OLAH: variants seen among roughly 807,000 people sequenced by gnomAD.
OLAH encodes oleoyl-ACP hydrolase.
In OLAH, 33 loss-of-function variants were observed where a neutral mutation model predicts 27.8. The ratio of observed to expected loss-of-function variants is 1.19; its 90% CI spans 0.90 to 1.59. The LOEUF (loss-of-function observed/expected upper bound fraction) is 1.59. Among genes scored for constraint, OLAH ranks in the 40% most tolerant of loss-of-function variants. The probability of loss-of-function intolerance (pLI) is 0.00; values close to 1 mark genes in which losing one functional copy is unlikely to be tolerated. For synonymous variants in OLAH, 120 were observed against 102.9 expected (o/e 1.17, Z -1.01); for missense variants, 359 against 310.8 (o/e 1.16, Z -1.17).
intron 3 of OLAH, among the ~76,000 whole-genome samples, chr10:15,056,429 G>C (rs1280031986): frequency 6.6e-6 from 1 of 151,988 alleles, no homozygotes; most frequent in Non-Finnish European, 1.5e-5. Flanking sequence ...AGCAGTATAG[G>C]AAAATTCTTA....
chr10:15,041,342 G>A (rs184930788), upstream of OLAH, among the ~76,000 whole-genome samples: 17 of 151,302 alleles, frequency 1.1e-4, no homozygotes, highest in Admixed American at 8.6e-4. Context: ...GCAATGGTGC[G>A]ATCTTGGCTC....
At chr10:15,052,499 C>G (rs1354792688) in intron 3 of OLAH, among the ~76,000 whole-genome samples, 1 of 152,120 alleles carries the variant, frequency 6.6e-6, no homozygotes, top group African/African-American at 2.4e-5. Context: ...TCTCAAACTC[C>G]TAGCCTGAAG....
chr10:15,051,201 A>C (rs1419670719), intron 3 of OLAH, among the ~76,000 whole-genome samples: 1 of 151,466 alleles, frequency 6.6e-6, no homozygotes, highest in Non-Finnish European at 1.5e-5. Context: ...TCAGCCTCCC[A>C]AGTATCTGGG....
intron 1 of OLAH, among the ~76,000 whole-genome samples, chr10:15,044,241 T>C (rs1843972901): frequency 6.6e-6 from 1 of 152,112 alleles, no homozygotes; most frequent in East Asian, 1.9e-4. Context: ...GTTCTCTTTT[T>C]GATTAAATAA....
intron 6 of OLAH, among the ~76,000 whole-genome samples, chr10:15,066,683 C>T (rs572344742): frequency 1.3e-5 from 2 of 151,774 alleles, no homozygotes; most frequent in African/African-American, 4.8e-5. Flanking sequence ...CTTTGTCGCC[C>T]AGGCTGGAGT....
rs759180174 is a variant in OLAH, at chr10:15,073,159, CTG to C, written c.729_730del (p.Ala244GlufsTer65). ...GGGGGTCACTTTTATCTTCTGGATC[CTG>C]CGAACGAGAAATTAATCAAGAACTA... is the stretch of plus-strand genomic sequence containing the variant. On this transcript the variant is annotated frameshift_variant, in exon 8 of 8. Coordinates refer to ENST00000378228, the MANE Select transcript of OLAH (RefSeq NM_001039702.3). LOFTEE classifies it low-confidence loss of function (END_TRUNC). 6.2e-7 allele frequency: 1 copy of C among 1,611,212 alleles called. No homozygotes were observed. Among genetic ancestry groups the C allele is most frequent in the Non-Finnish European group, 8.5e-7 (1 of 1,177,472 alleles).
chr10:15,058,068 C>T (rs922628577), intron 3 of OLAH, among the ~76,000 whole-genome samples: 2 of 151,964 alleles, frequency 1.3e-5, no homozygotes, highest in Non-Finnish European at 2.9e-5. Flanking sequence ...TTGGGGTTGC[C>T]GTGAAGTTAT....
At chr10:15,069,929 C>T (rs1844548554) in intron 6 of OLAH, among the ~76,000 whole-genome samples, 2 of 152,142 alleles carry the variant, frequency 1.3e-5, no homozygotes, top group Non-Finnish European at 2.9e-5. Context: ...ACACCGTTCT[C>T]ACTGTGTCTC....
intron 3 of OLAH, among the ~76,000 whole-genome samples, chr10:15,055,063 C>A (rs1259379321): frequency 6.6e-6 from 1 of 152,118 alleles, no homozygotes; most frequent in Non-Finnish European, 1.5e-5. Context: ...CTCCAGGGTT[C>A]AAGTGATTCT....
At chr10:15,040,263 C>T (rs1843900547), upstream of OLAH, among the ~76,000 whole-genome samples, 1 of 152,084 alleles carries the variant, frequency 6.6e-6, no homozygotes, top group Non-Finnish European at 1.5e-5. Flanking sequence ...TCCTTCCAAC[C>T]TGCCAGTCTC....
At position 15,073,190 on chromosome 10, in the gene OLAH, A is replaced by C. The variant is rs1306440294; in HGVS notation, c.759A>C (p.Ile253=). ...ACGAGAAATTAATCAAGAACTACAT[A>C]ATCAAGTGTCTAGAAGTATCATCGA... ...PANEKLIKNY[I]IKCLEVSSIS... Residue 253 remains isoleucine (I), a synonymous_variant, in exon 8 of 8, where the codon ATA becomes ATC. Transcript: ENST00000378228. 2 of 1,607,680 alleles carry C rather than the reference A, an allele frequency of 1.2e-6. No homozygotes were observed. Among genetic ancestry groups the C allele is most frequent in the African/African-American group, 2.7e-5 (2 of 74,876 alleles).
Position 15,073,466 on chromosome 10 carries a change from C to G in OLAH, c.*237C>G, listed in dbSNP as rs1844633719. 2.3e-5 allele frequency: 8 copies of G among 341,664 alleles called. No individual in the cohort carries two copies. In the South Asian group the frequency reaches 2.8e-4, roughly 12 times the overall value. The allele number at this position is 341,664 out of a possible 1,614,324, so 21.2% of individuals were successfully genotyped here. On this transcript the variant is annotated 3_prime_UTR_variant, in exon 8 of 8. Transcript: ENST00000378228. ...ACGAGGTCAGGAGATCGAGACCGTC[C>G]TGGCTAACACCGTGAAACCCCATCT...
intron 1 of OLAH, among the ~76,000 whole-genome samples, chr10:15,035,626 G>C (rs547623444): frequency 1.3e-5 from 2 of 152,080 alleles, no homozygotes; most frequent in Non-Finnish European, 2.9e-5. Context: ...ACCTCCAGCA[G>C]GGGGGATGAC....
upstream of OLAH, among the ~76,000 whole-genome samples, chr10:15,043,403 C>T (rs1843956235): frequency 6.6e-6 from 1 of 151,618 alleles, no homozygotes; most frequent in Non-Finnish European, 1.5e-5. Flanking sequence ...AGCCTCTTAA[C>T]TTGATTTTAC....
rs115322720 is a variant in OLAH, at chr10:15,032,509, G to A, written c.-164+159G>A. On this transcript the variant is annotated intron_variant, in intron 1 of 3. Transcript: ENST00000413672. The stretch of plus-strand genomic sequence containing the variant: ...ATCGTGGAGGGCGCCTGTAGTCCCA[G>A]CCACTCAGGAGAGAGGCAGGAAAAT... 7.7e-3 allele frequency among the ~76,000 whole-genome samples: 1,144 copies of A among 148,516 alleles called. 15 individuals carry two copies. The highest frequency in any genetic ancestry group is 0.027 in the African/African-American group (1,093 of 40,182).
At chr10:15,035,087 G>A (rs1026719711) in intron 1 of OLAH, among the ~76,000 whole-genome samples, 12 of 151,986 alleles carry the variant, frequency 7.9e-5, no homozygotes, top group African/African-American at 2.9e-4. Flanking sequence ...GGCGCTGAGA[G>A]TTAAAAGGCT....
upstream of OLAH, among the ~76,000 whole-genome samples, chr10:15,039,598 A>G (rs972946671): frequency 6.6e-6 from 1 of 152,138 alleles, no homozygotes; most frequent in Non-Finnish European, 1.5e-5. Context: ...AGAAGATTGC[A>G]TTTGTAGGCG....
upstream of OLAH, among the ~76,000 whole-genome samples, chr10:15,042,874 T>TTTA: frequency 6.8e-6 from 1 of 146,670 alleles, no homozygotes; most frequent in Admixed American, 6.9e-5. Flanking sequence ...TTTTTTTTTT[T>TTTA]TGAGATGGAG....
At chr10:15,041,288 T>A (rs1050759944), upstream of OLAH, among the ~76,000 whole-genome samples, 13 of 149,842 alleles carry the variant, frequency 8.7e-5, no homozygotes, top group Non-Finnish European at 1.6e-4. Flanking sequence ...TTATTTTTAT[T>A]TTTTTTGAGA....
Sources: gnomAD v4.1 joint callset for allele counts (sites outside exome capture counted in the v4.1 genomes callset) on GRCh38, gnomAD v4.1.1 for gene constraint, MANE v1.5 for transcripts, NCBI Gene and HGNC (gene_info 2026-07-23, HGNC 2026-07-21) for gene names.